The following PRKN variants were observed in gnomAD, a reference collection of about 807,000 sequenced individuals.
PRKN encodes parkin RBR E3 ubiquitin protein ligase, also known as E3 ubiquitin-protein ligase parkin.
Under a neutral mutation model 59.5 loss-of-function variants are expected in PRKN, and 56 were observed. The observed-to-expected ratio is 0.94, with a 90% CI of 0.76 to 1.18. The LOEUF is 1.18. Ranked by LOEUF, PRKN falls within the 50% of genes most tolerant of loss-of-function variation. The pLI is 0.00. For synonymous variants in PRKN, 250 were observed against 222.1 expected, an observed-to-expected ratio of 1.13 and a Z score of -1.12; for missense variants, 657 against 596.4, an observed-to-expected ratio of 1.10 and a Z score of -1.06.
chr6:161,609,763 G>A (rs1782420049), intron 7 of PRKN, among the ~76,000 whole-genome samples: 1 of 152,194 alleles, frequency 6.6e-6, no homozygotes, highest in African/African-American at 2.4e-5. Context: ...GATTCAGGGC[G>A]AGGTCTGTGC....
At chr6:161,847,914 T>C (rs1336539229) in intron 6 of PRKN, among the ~76,000 whole-genome samples, 1 of 152,162 alleles carries the variant, frequency 6.6e-6, no homozygotes, top group African/African-American at 2.4e-5. Context: ...TGCATTTGGT[T>C]AGAAGAAGGC....
At position 162,168,556 on chromosome 6, in the gene PRKN, CAAAAAAAA is replaced by C. The variant is rs771060815; in HGVS notation, c.534+32567_534+32574del. On this transcript the variant is annotated intron_variant, in intron 4 of 11. Transcript: ENST00000366898. Reference sequence around the variant, plus strand: ...TCATCCATCATTCTAATCTGTTTTACAAAAAAAAAAAAAAAAAAAAAAAAAATCAAAGC... The same window carrying C: ...TCATCCATCATTCTAATCTGTTTTACAAAAAAAAAAAAAAAAAATCAAAGC... Among the ~76,000 whole-genome samples, 430 of 47,314 alleles carry C rather than the reference CAAAAAAAA, an allele frequency of 9.1e-3. 3 individuals carry two copies. Among genetic ancestry groups the C allele is most frequent in the African/African-American group, 0.03 (398 of 13,072 alleles). The allele number at this position is 47,314 out of a possible 152,430, so 31.0% of individuals were successfully genotyped here.
At chr6:162,437,957 C>CT (rs760739886) in intron 2 of PRKN, among the ~76,000 whole-genome samples, 8 of 152,194 alleles carry the variant, frequency 5.3e-5, no homozygotes, top group Non-Finnish European at 7.4e-5. Context: ...GAGTATAACT[C>CT]TGTCATCTGG....
At chr6:161,833,554 T>A (rs1315978722) in intron 6 of PRKN, among the ~76,000 whole-genome samples, 1 of 152,166 alleles carries the variant, frequency 6.6e-6, no homozygotes, top group Admixed American at 6.5e-5. Context: ...TTATCTCTCT[T>A]CATTGGTGCG....
At chr6:162,361,284 T>C (rs1400120696) in intron 2 of PRKN, among the ~76,000 whole-genome samples, 1 of 152,132 alleles carries the variant, frequency 6.6e-6, no homozygotes, top group African/African-American at 2.4e-5. Flanking sequence ...AAAATTCATA[T>C]GTTGAACCCC....
At chr6:162,714,745 C>T (rs1778660941) in intron 1 of PRKN, among the ~76,000 whole-genome samples, 1 of 152,184 alleles carries the variant, frequency 6.6e-6, no homozygotes, top group Non-Finnish European at 1.5e-5. Flanking sequence ...CAAGTAAATA[C>T]AGACCCCAAT....
intron 7 of PRKN, among the ~76,000 whole-genome samples, chr6:161,635,873 A>G (rs1425750206): frequency 6.6e-6 from 1 of 152,184 alleles, no homozygotes; most frequent in Non-Finnish European, 1.5e-5. Context: ...AATAAAGTAA[A>G]TGTGTCCAGG....
chr6:161,863,884 T>G (rs916880082), intron 6 of PRKN, among the ~76,000 whole-genome samples: 1 of 152,244 alleles, frequency 6.6e-6, no homozygotes, highest in African/African-American at 2.4e-5. Flanking sequence ...TACTATGCCA[T>G]AGTCATATTA....
chr6:162,477,757 C>G (rs1792094008), intron 1 of PRKN, among the ~76,000 whole-genome samples: 1 of 152,164 alleles, frequency 6.6e-6, no homozygotes, highest in Non-Finnish European at 1.5e-5. Context: ...GCTTCATATT[C>G]TCCTGCATAA....
At chr6:161,605,670 C>T (rs907021469) in intron 7 of PRKN, among the ~76,000 whole-genome samples, 1 of 152,070 alleles carries the variant, frequency 6.6e-6, no homozygotes, top group Non-Finnish European at 1.5e-5. Flanking sequence ...TGCCACCACG[C>T]CCAGGTAATT....
chr6:161,711,691 C>A (rs1008915672), intron 7 of PRKN, among the ~76,000 whole-genome samples: 9 of 152,146 alleles, frequency 5.9e-5, no homozygotes, highest in Non-Finnish European at 1.3e-4. Context: ...CAGACACCCT[C>A]AACCTGGGTG....
At chr6:161,479,148 T>A (rs1447446574) in intron 9 of PRKN, among the ~76,000 whole-genome samples, 1 of 152,182 alleles carries the variant, frequency 6.6e-6, no homozygotes, top group African/African-American at 2.4e-5. Flanking sequence ...ACTAAATCGT[T>A]CTGTATGCCG....
Position 161,390,280 on chromosome 6 carries a change from C to T in PRKN, c.1084-3403G>A, listed in dbSNP as rs1394554815. Among the ~76,000 whole-genome samples, 1 of 152,166 alleles carries T rather than the reference C, an allele frequency of 6.6e-6. No homozygotes were observed. The highest frequency in any genetic ancestry group is 1.5e-5 in the Non-Finnish European group (1 of 68,034). ...GTACTGTAACAAACTCACAGGGGTGCCTGGGATATTCTAGAATTTTAAGTA... is the reference window on the plus strand; with the variant it reads ...GTACTGTAACAAACTCACAGGGGTGTCTGGGATATTCTAGAATTTTAAGTA... On this transcript the variant is annotated intron_variant, in intron 9 of 11. Coordinates refer to ENST00000366898, the MANE Select transcript of PRKN (RefSeq NM_004562.3). This position sits in a 1 kb window ranked among gnomAD's most constrained non-coding sequence, Gnocchi z 7.0.
rs1786591244 is a variant in PRKN at position 161,393,104 on chromosome 6, GA to G, written c.1084-6228del. 6.6e-6 allele frequency among the ~76,000 whole-genome samples: 1 copy of G among 152,020 alleles called. No individual in the cohort carries two copies. The highest frequency in any genetic ancestry group is 2.4e-5 in the African/African-American group (1 of 41,326). On this transcript the variant is annotated intron_variant, in intron 9 of 11. Coordinates refer to ENST00000366898, the MANE Select transcript of PRKN (RefSeq NM_004562.3). This position sits in a 1 kb window ranked among gnomAD's most constrained non-coding sequence, Gnocchi z 4.7. ...GTGTGATCCCAACATCTCTTTGCTT[GA>G]GCTTTTTTGCATCTACAAAGAAGAA...
chr6:162,619,969 G>A (rs1782595576), intron 1 of PRKN, among the ~76,000 whole-genome samples: 1 of 152,046 alleles, frequency 6.6e-6, no homozygotes, highest in South Asian at 2.1e-4. Context: ...GGTAATATTT[G>A]CACATGCATT....
chr6:162,463,159 G>A (rs1791250149), intron 1 of PRKN, among the ~76,000 whole-genome samples: 1 of 152,100 alleles, frequency 6.6e-6, no homozygotes, highest in Non-Finnish European at 1.5e-5. Flanking sequence ...GTCTGCTTGA[G>A]TTTGTATTAA....
intron 3 of PRKN, among the ~76,000 whole-genome samples, chr6:162,218,854 G>A (rs941859924): frequency 2.0e-5 from 3 of 151,978 alleles, no homozygotes; most frequent in African/African-American, 7.3e-5. Context: ...CTTCTTTTCT[G>A]TTTCTCAGTT....
At chr6:162,688,295 A>G (rs1218842369) in intron 1 of PRKN, among the ~76,000 whole-genome samples, 1 of 152,202 alleles carries the variant, frequency 6.6e-6, no homozygotes, top group African/African-American at 2.4e-5. Flanking sequence ...TTCAGTGAGG[A>G]TATTGATGGG....
At position 161,561,137 on chromosome 6, in the gene PRKN, G is replaced by A. The variant is rs908122257; in HGVS notation, c.933+8218C>T. Among the ~76,000 whole-genome samples the A allele has an allele frequency of 2.0e-5, 3 of 152,074 alleles. No individual in the cohort carries two copies. The highest frequency in any genetic ancestry group is 4.4e-5 in the Non-Finnish European group (3 of 68,022). On this transcript the variant is annotated intron_variant, in intron 8 of 11. Transcript: ENST00000366898. The surrounding 1 kb of genome is among the most constrained non-coding windows in gnomAD (Gnocchi z 5.0). Reference sequence around the variant, plus strand: ...TCCCCTCAACCCGCCGAAAAAAGGGGTGAAATAAAAAAGATGAAATGAGGA... The same window carrying A: ...TCCCCTCAACCCGCCGAAAAAAGGGATGAAATAAAAAAGATGAAATGAGGA...
Sources: allele counts gnomAD v4.1 joint callset (sites outside exome capture counted in the v4.1 genomes callset), GRCh38; gene constraint gnomAD v4.1.1; non-coding constraint Gnocchi (gnomAD v3.1); transcripts MANE v1.5; gene names NCBI Gene and HGNC (gene_info 2026-07-23, HGNC 2026-07-21).